The following TLR8 variants were observed in gnomAD, a reference collection of about 807,000 sequenced individuals.
TLR8 encodes the protein toll like receptor 8.
A neutral mutation model predicts 18.5 loss-of-function variants in TLR8; 5 were observed. That is an observed-to-expected ratio of 0.27 (90% confidence interval 0.14 to 0.57). The LOEUF is 0.57. Among genes scored for constraint, TLR8 ranks in the 20% least tolerant of loss-of-function variants. The probability of loss-of-function intolerance (pLI) is 0.92; values close to 1 mark genes in which losing one functional copy is unlikely to be tolerated. For missense variants in TLR8, 543 were observed against 769.8 expected, an observed-to-expected ratio of 0.71 and a Z score of 3.49; for synonymous variants, 299 against 300.1, an observed-to-expected ratio of 1.00 and a Z score of 0.04.
In TLR8 at chrX:12,919,151, T is replaced by C. The variant is rs777910070; in HGVS notation, c.111T>C (p.Asp37=). The change falls in exon 2 of 2, where the codon GAT becomes GAC. Residue 37 remains aspartate (D), a synonymous_variant. Transcript: ENST00000218032. The stretch of plus-strand genomic sequence containing the variant: ...ATTTTTCTAGAAGCTATCCTTGTGA[T>C]GAGAAAAAGCAAAATGACTCAGTTA... ...EENFSRSYPC[D]EKKQNDSVIA... 4 of 1,212,119 alleles carry C rather than the reference T, an allele frequency of 3.3e-6. No homozygotes were observed. The highest frequency in any genetic ancestry group is 3.5e-5 in the African/African-American group (2 of 57,871).
intron 1 of TLR8, chrX:12,908,353 A>ACAG (rs1156926551): frequency 9.0e-6 from 1 of 111,683 alleles, no homozygotes; most frequent in Non-Finnish European, 1.9e-5. Flanking sequence ...AACAACAACA[A>ACAG]CAACAACAAC....
chrX:12,919,967 T>C lies in TLR8; in HGVS notation c.927T>C (p.Asn309=). The change falls in exon 2 of 2, where the codon AAT becomes AAC. Residue 309 remains asparagine (N), a synonymous_variant. Transcript: ENST00000218032. Reference sequence around the variant, plus strand: ...AGATTAATGCTGCCTGGTTTAAAAATATGCCTCATCTGAAGGTGCTGGATC... The same window carrying C: ...AGATTAATGCTGCCTGGTTTAAAAACATGCCTCATCTGAAGGTGCTGGATC... ...LRKINAAWFK[N]MPHLKVLDLE... 1 of 1,211,754 alleles carries C rather than the reference T, an allele frequency of 8.3e-7. No individual in the cohort carries two copies. Among genetic ancestry groups the C allele is most frequent in the African/African-American group, 1.7e-5 (1 of 57,754 alleles).
Position 12,919,056 on chromosome X carries a change from C to T in TLR8, c.16C>T (p.Leu6Phe). MENMF[L>F]QSSMLTCIFL... is the part of the protein sequence containing the mutation. ...TGATTTTCCTTAGGAAAACATGTTC[C>T]TTCAGTCGTCAATGCTGACCTGCAT... The change falls in exon 2 of 2, where the codon CTT becomes TTT. Residue 6 changes from leucine to phenylalanine, a missense_variant. This residue lies in a region of TLR8 where 117 missense variants were observed against 111.0 expected (regional missense o/e 1.05). Coordinates refer to ENST00000218032, the MANE Select transcript of TLR8 (RefSeq NM_138636.5). The T allele has an allele frequency of 8.3e-7, 1 of 1,200,679 alleles. No homozygotes were observed. Among genetic ancestry groups the T allele is most frequent in the Non-Finnish European group, 1.1e-6 (1 of 889,331 alleles).
At chrX:12,915,737 G>A (rs1302211374) in intron 1 of TLR8, among the ~76,000 whole-genome samples, 1 of 112,508 alleles carries the variant, frequency 8.9e-6, no homozygotes, top group Non-Finnish European at 1.9e-5. Flanking sequence ...GGGCTTCTCT[G>A]GAGGTACAGC....
Position 12,920,385 on chromosome X carries a change from C to T in TLR8, c.1345C>T (p.Arg449Cys), listed in dbSNP as rs780631934. Residue 449 changes from arginine (R) to cysteine (C), a missense_variant, in exon 2 of 2, where the codon CGT becomes TGT. Transcript: ENST00000218032. ...TTATGCAAATAGTTCCTCTTTTCAA[C>T]GTCATATCCGGAAACGACGCTCAAC... is the stretch of plus-strand genomic sequence containing the variant. ...QSYANSSSFQ[R>C]HIRKRRSTDF... 1.3e-5 allele frequency: 16 copies of T among 1,208,209 alleles called. No individual in the cohort carries two copies. Among genetic ancestry groups the T allele is most frequent in the Non-Finnish European group, 1.7e-5 (15 of 894,314 alleles).
chrX:12,922,061 C>G lies in TLR8; in HGVS notation c.3021C>G (p.Asn1007Lys). The change falls in exon 2 of 2, where the codon AAC becomes AAG. Residue 1007 changes from asparagine to lysine, a missense_variant. Asn to Lys is a moderately conservative substitution (Grantham distance 94). This residue lies in a region of TLR8 where 227 missense variants were observed against 312.9 expected (regional missense o/e 0.73). Coordinates refer to ENST00000218032, the MANE Select transcript of TLR8 (RefSeq NM_138636.5). ...CKSSILQWPD[N>K]PKAEGLFWQT... The stretch of plus-strand genomic sequence containing the variant: ...GCTCCATCCTCCAGTGGCCTGACAA[C>G]CCGAAGGCAGAAGGCTTGTTTTGGC... 1.7e-6 allele frequency: 2 copies of G among 1,211,513 alleles called. No homozygotes were observed. Among genetic ancestry groups the G allele is most frequent in the Non-Finnish European group, 2.2e-6 (2 of 895,480 alleles).
intron 1 of TLR8, among the ~76,000 whole-genome samples, chrX:12,915,156 A>G (rs1008743271): frequency 5.4e-5 from 6 of 111,262 alleles, no homozygotes; most frequent in Admixed American, 9.5e-5. Context: ...TATTTTTTAA[A>G]CCTACTCTGG....
In TLR8 at chrX:12,915,445, C is replaced by T. The variant is rs535003296; in HGVS notation, c.4-3599C>T. Among the ~76,000 whole-genome samples, 21 of 112,964 alleles carry T rather than the reference C, an allele frequency of 1.9e-4. No individual in the cohort carries two copies. The South Asian group carries it at 7.2e-3, about 39-fold the overall frequency. On this transcript the variant is annotated intron_variant, in intron 1 of 1. Transcript: ENST00000218032. The stretch of plus-strand genomic sequence containing the variant: ...CTTCCCAAACTGCTGGGATTACAGG[C>T]GTGAGCCACTGTGCCTGGTCCACTC...
Position 12,921,106 on chromosome X carries a change from G to T in TLR8, c.2066G>T (p.Arg689Leu). Residue 689 changes from arginine to leucine, a missense_variant, in exon 2 of 2, where the codon CGT becomes CTT. Arg to Leu is a moderately radical substitution (Grantham distance 102). Around this residue, in one of 4 missense-constraint regions of TLR8, gnomAD observed 227 missense variants for 312.9 expected, o/e 0.73. Transcript: ENST00000218032. ...TGGACATTACTCCAGCAGTTTCCTC[G>T]TCTCGAGTTGCTTGACTTACGTGGA... The part of the protein sequence containing the change: ...FNWTLLQQFP[R>L]LELLDLRGNK... The T allele has an allele frequency of 1.7e-6, 2 of 1,211,108 alleles. No homozygotes were observed. The highest frequency in any genetic ancestry group is 1.8e-5 in the South Asian group (1 of 56,902).
intron 1 of TLR8, among the ~76,000 whole-genome samples, chrX:12,913,230 T>C (rs2043032720): frequency 8.9e-6 from 1 of 112,262 alleles, no homozygotes; most frequent in Non-Finnish European, 1.9e-5. Context: ...CTTCATATGA[T>C]ATGGCTAGAA....
In TLR8 at chrX:12,919,361, C is replaced by A. The variant is rs774944401; in HGVS notation, c.321C>A (p.Pro107=). Residue 107 remains proline, a synonymous_variant, in exon 2 of 2, where the codon CCC becomes CCA. Transcript: ENST00000218032. ...NPNVQHQNGN[P]GIQSNGLNIT... ...ATGTACAGCACCAGAACGGAAATCCCGGTATACAATCAAATGGCTTGAATA... is the reference window on the plus strand; with the variant it reads ...ATGTACAGCACCAGAACGGAAATCCAGGTATACAATCAAATGGCTTGAATA... The A allele has an allele frequency of 8.3e-7, 1 of 1,211,443 alleles. No homozygotes were observed. Among genetic ancestry groups the A allele is most frequent in the Non-Finnish European group, 1.1e-6 (1 of 895,378 alleles).
chrX:12,919,664 A>G lies in TLR8; in HGVS notation c.624A>G (p.Leu208=). Residue 208 remains leucine, a synonymous_variant, in exon 2 of 2, where the codon CTA becomes CTG. Transcript: ENST00000218032. ...TGACAAATTTGGAGTTGCTATCACT[A>G]TCTTTCAATTCTCTTTCACACGTGC... ...ETLTNLELLS[L]SFNSLSHVPP... 12 of 1,211,602 alleles carry G rather than the reference A, an allele frequency of 9.9e-6. No individual in the cohort carries two copies. The highest frequency in any genetic ancestry group is 3.5e-5 in the African/African-American group (2 of 57,842).
Position 12,919,725 on chromosome X carries a change from C to T in TLR8, c.685C>T (p.Leu229=). The T allele has an allele frequency of 8.3e-7, 1 of 1,210,227 alleles. No homozygotes were observed. Among genetic ancestry groups the T allele is most frequent in the Non-Finnish European group, 1.1e-6 (1 of 894,936 alleles). Residue 229 remains leucine, a synonymous_variant, in exon 2 of 2, where the codon CTG becomes TTG. Coordinates refer to ENST00000218032, the MANE Select transcript of TLR8 (RefSeq NM_138636.5). ...KLPSSLRKLF[L]SNTQIKYISE... ...GCCAAGCTCCCTACGCAAACTTTTT[C>T]TGAGCAACACCCAGATCAAATACAT...
At position 12,919,384 on chromosome X, in the gene TLR8, A is replaced by G. The variant is rs750358899; in HGVS notation, c.344A>G (p.Asn115Ser). Residue 115 changes from asparagine (N) to serine (S), a missense_variant, in exon 2 of 2, where the codon AAT (asparagine) becomes AGT (serine). Physicochemically the swap from Asn to Ser is conservative, Grantham distance 46 (BLOSUM62 1). Coordinates refer to ENST00000218032, the MANE Select transcript of TLR8 (RefSeq NM_138636.5). ...GNPGIQSNGL[N>S]ITDGAFLNLK... ...CCCGGTATACAATCAAATGGCTTGA[A>G]TATCACAGACGGGGCATTCCTCAAC... 4.1e-6 allele frequency: 5 copies of G among 1,210,137 alleles called. No individual in the cohort carries two copies. In the South Asian group the frequency reaches 8.8e-5, roughly 21 times the overall value.
At chrX:12,908,518 G>C (rs946857020) in intron 1 of TLR8, among the ~76,000 whole-genome samples, 5 of 112,752 alleles carry the variant, frequency 4.4e-5, no homozygotes, top group Admixed American at 2.8e-4. Context: ...CAAATCAGAG[G>C]GGGAGCTTTC....
chrX:12,918,776 C>G (rs1423447126), intron 1 of TLR8, among the ~76,000 whole-genome samples: 2 of 111,753 alleles, frequency 1.8e-5, no homozygotes, highest in African/African-American at 3.3e-5. Context: ...CTCAAACCAT[C>G]TTTCCACCTC....
At position 12,922,723 on chromosome X, in the gene TLR8, A is replaced by G. The variant is rs1282490382; in HGVS notation, c.*557A>G. 8.9e-6 allele frequency: 1 copy of G among 112,224 alleles called. No individual in the cohort carries two copies. The allele number at this position is 112,224 out of a possible 1,213,427, so 9.2% of individuals were successfully genotyped here. A position where few individuals can be genotyped will look rare whatever the true frequency, so the allele number is the denominator to read the frequency against. On this transcript the variant is annotated 3_prime_UTR_variant, in exon 2 of 2. Transcript: ENST00000218032. Reference sequence around the variant, plus strand: ...CTCTGATTGCTTCAGTTGGTCATCAACTATTTTCCCTTGACTGCTGTCCTG... The same window carrying G: ...CTCTGATTGCTTCAGTTGGTCATCAGCTATTTTCCCTTGACTGCTGTCCTG...
At chrX:12,913,707 C>G (rs1023865460) in intron 1 of TLR8, among the ~76,000 whole-genome samples, 3 of 112,274 alleles carry the variant, frequency 2.7e-5, no homozygotes, top group African/African-American at 6.5e-5. Flanking sequence ...GGATCTACTT[C>G]TAGAATTGAA....
At chrX:12,917,421 T>C in intron 1 of TLR8, among the ~76,000 whole-genome samples, 1 of 112,413 alleles carries the variant, frequency 8.9e-6, no homozygotes, top group African/African-American at 3.2e-5. Context: ...TTTTATAACA[T>C]AGTGAGAGTG....
Sources: allele counts gnomAD v4.1 joint callset (sites outside exome capture counted in the v4.1 genomes callset), GRCh38; gene constraint gnomAD v4.1.1; regional missense constraint gnomAD v4.1.1; transcripts MANE v1.5; gene names NCBI Gene and HGNC (gene_info 2026-07-23, HGNC 2026-07-21).